The following SPATS2 variants were observed in gnomAD, a reference collection of about 807,000 sequenced individuals.
The protein encoded by SPATS2 is spermatogenesis associated serine rich 2.
SPATS2 carries 38 observed loss-of-function variants against 63.7 expected under a neutral mutation model. The observed-to-expected ratio is 0.60, with a 90% CI of 0.46 to 0.78. SPATS2 has a LOEUF of 0.78. Among genes scored for constraint, SPATS2 ranks in the 30% least tolerant of loss-of-function variants. The probability of loss-of-function intolerance (pLI) is 0.00; values close to 1 mark genes in which losing one functional copy is unlikely to be tolerated. For missense variants in SPATS2, 588 were observed against 666.2 expected (o/e 0.88, Z 1.29); for synonymous variants, 207 against 232.9 (o/e 0.89, Z 1.01).
At chr12:49,413,689 A>G (rs1399112839) in intron 2 of SPATS2, among the ~76,000 whole-genome samples, 1 of 152,118 alleles carries the variant, frequency 6.6e-6, no homozygotes, top group Non-Finnish European at 1.5e-5. Flanking sequence ...TGCTTTCTAA[A>G]TCAGATCCAG....
intron 3 of SPATS2, among the ~76,000 whole-genome samples, chr12:49,481,386 CA>C (rs1002191446): frequency 2.0e-5 from 3 of 150,016 alleles, no homozygotes; most frequent in South Asian, 2.1e-4. Flanking sequence ...GAAATAATTC[CA>C]AAAAAACTTC....
intron 2 of SPATS2, among the ~76,000 whole-genome samples, chr12:49,456,188 G>A (rs372446059): frequency 2.0e-3 from 304 of 152,278 alleles, no homozygotes; most frequent in African/African-American, 6.7e-3. Flanking sequence ...TCACCTTGGG[G>A]GTATGTGATG....
chr12:49,498,141 A>ATATATAT (rs1555191148), intron 8 of SPATS2, among the ~76,000 whole-genome samples: 8 of 74,320 alleles, frequency 1.1e-4, no homozygotes, highest in East Asian at 2.6e-4. Context: ...CCAAAAAAAA[A>ATATATAT]AAAAATATAT....
intron 2 of SPATS2, among the ~76,000 whole-genome samples, chr12:49,428,565 A>T (rs1945125155): frequency 6.6e-6 from 1 of 152,216 alleles, no homozygotes; most frequent in Non-Finnish European, 1.5e-5. Context: ...ACTTAGCATA[A>T]TATCCTCAAG....
chr12:49,428,276 A>C (rs1184529774), intron 2 of SPATS2, among the ~76,000 whole-genome samples: 1 of 151,798 alleles, frequency 6.6e-6, no homozygotes, highest in Non-Finnish European at 1.5e-5. Context: ...AAACAAACAA[A>C]AAAAAAAAAC....
At position 49,462,594 on chromosome 12, in the gene SPATS2, G is replaced by A. The variant is rs1234360735; in HGVS notation, c.25+1557G>A. 3 of 603,832 alleles carry A rather than the reference G, an allele frequency of 5.0e-6. No homozygotes were observed. The African/African-American group carries it at 5.6e-5, about 11-fold the overall frequency. The allele number at this position is 603,832 out of a possible 1,614,324, so 37.4% of individuals were successfully genotyped here. On this transcript the variant is annotated intron_variant, in intron 3 of 13. Coordinates refer to ENST00000552918, the MANE Select transcript of SPATS2 (RefSeq NM_023071.4). The stretch of plus-strand genomic sequence containing the variant: ...CTCGTGGCTCCTGAGCTCTTGTCTG[G>A]TGTCCAGGAAAAATGAGGTCACACG...
At chr12:49,509,771 C>A (rs1946716913) in intron 9 of SPATS2, among the ~76,000 whole-genome samples, 1 of 145,382 alleles carries the variant, frequency 6.9e-6, no homozygotes. Flanking sequence ...GAGCCAAGAT[C>A]ACGTCACTGC....
chr12:49,368,906 T>C (rs147046821), intron 1 of SPATS2, among the ~76,000 whole-genome samples: 277 of 152,334 alleles, frequency 1.8e-3, no homozygotes, highest in African/African-American at 6.2e-3. Flanking sequence ...TCTTGGATGG[T>C]AGCATTTAGG....
At chr12:49,428,841 A>G (rs1041934518) in intron 2 of SPATS2, among the ~76,000 whole-genome samples, 2 of 152,118 alleles carry the variant, frequency 1.3e-5, no homozygotes, top group Non-Finnish European at 2.9e-5. Context: ...GCTGCCTCCA[A>G]TCCCTTGAGC....
At chr12:49,424,490 CAGTT>C (rs1001105672) in intron 2 of SPATS2, among the ~76,000 whole-genome samples, 15 of 152,190 alleles carry the variant, frequency 9.9e-5, no homozygotes, top group East Asian at 3.9e-4. Flanking sequence ...GACTTGTTGA[CAGTT>C]AGTATTTTTG....
rs533405889 is a variant in SPATS2, at chr12:49,484,794, A to G, written c.105+125A>G. The G allele has an allele frequency of 1.1e-4, 87 of 772,558 alleles. No individual in the cohort carries two copies. The African/African-American group carries it at 1.4e-3, about 12-fold the overall frequency. 47.9% of individuals were successfully genotyped at this position (772,558 alleles called of 1,614,324 possible). A position where few individuals can be genotyped will look rare whatever the true frequency, so the allele number is the denominator to read the frequency against. ...TTTAAGAATAAAACAATGCCACTAT[A>G]TATCAGAGAGTGACGGCCATAAATA... On this transcript the variant is annotated intron_variant, in intron 4 of 13. Coordinates refer to ENST00000552918, the MANE Select transcript of SPATS2 (RefSeq NM_023071.4).
intron 2 of SPATS2, among the ~76,000 whole-genome samples, chr12:49,399,636 A>T (rs1241484317): frequency 6.6e-6 from 1 of 152,228 alleles, no homozygotes; most frequent in Non-Finnish European, 1.5e-5. Flanking sequence ...TTAAACAGAG[A>T]TTCTAATTAA....
intron 5 of SPATS2, chr12:49,490,408 A>T (rs1389923194): frequency 7.6e-6 from 3 of 395,616 alleles, no homozygotes; most frequent in Non-Finnish European, 1.4e-5. Flanking sequence ...TGGATAAGAG[A>T]ATCTTCAAAA....
At chr12:49,399,308 G>A (rs1944565269) in intron 2 of SPATS2, among the ~76,000 whole-genome samples, 1 of 151,986 alleles carries the variant, frequency 6.6e-6, no homozygotes, top group Non-Finnish European at 1.5e-5. Context: ...AGCTTTTTTA[G>A]TTAATATTTT....
chr12:49,509,712 G>A (rs545693908), intron 9 of SPATS2, among the ~76,000 whole-genome samples: 23 of 151,632 alleles, frequency 1.5e-4, no homozygotes, highest in African/African-American at 5.6e-4. Context: ...AGCTACTCGG[G>A]AGGCTGAGGC....
intron 6 of SPATS2, among the ~76,000 whole-genome samples, chr12:49,492,969 A>G (rs539533395): frequency 2.6e-5 from 4 of 151,966 alleles, no homozygotes; most frequent in African/African-American, 7.3e-5. Flanking sequence ...GTGGTGGCAC[A>G]TGCCTGTAAT....
intron 3 of SPATS2, among the ~76,000 whole-genome samples, chr12:49,475,238 G>T: frequency 6.6e-6 from 1 of 152,106 alleles, no homozygotes; most frequent in African/African-American, 2.4e-5. Flanking sequence ...TGCATACAGG[G>T]TTATTCCTTT....
chr12:49,379,532 CAG>C (rs1944172459), intron 2 of SPATS2, among the ~76,000 whole-genome samples: 1 of 107,722 alleles, frequency 9.3e-6, no homozygotes, highest in Non-Finnish European at 1.8e-5. Context: ...GCATGGGTGA[CAG>C]AGCGAGAATC....
At chr12:49,425,381 G>C (rs1394805947) in intron 2 of SPATS2, among the ~76,000 whole-genome samples, 1 of 152,102 alleles carries the variant, frequency 6.6e-6, no homozygotes, top group Non-Finnish European at 1.5e-5. Flanking sequence ...GTCTCACTCT[G>C]TTGCAGAGGC....
Sources: allele counts gnomAD v4.1 joint callset (sites outside exome capture counted in the v4.1 genomes callset), GRCh38; gene constraint gnomAD v4.1.1; transcripts MANE v1.5; gene names NCBI Gene and HGNC (gene_info 2026-07-23, HGNC 2026-07-21).